CTDP1: variants seen among roughly 807,000 people sequenced by gnomAD.
The protein encoded by CTDP1 is RNA polymerase II subunit A C-terminal domain phosphatase.
Under a neutral mutation model 91.8 loss-of-function variants are expected in CTDP1, and 47 were observed. The ratio of observed to expected loss-of-function variants is 0.51; its 90% CI spans 0.41 to 0.65. The LOEUF (loss-of-function observed/expected upper bound fraction) is 0.65, where lower values mean the gene tolerates loss of function less well. Ranked by LOEUF, CTDP1 falls within the 30% of genes least tolerant of loss-of-function variation. CTDP1 has a pLI of 0.00. For synonymous variants in CTDP1, 656 were observed against 598.5 expected (o/e 1.10, Z -1.40); for missense variants, 1,272 against 1,373.7 (o/e 0.93, Z 1.17).
rs1161998091 is a variant in CTDP1, at chr18:79,736,515, G to T, written c.2741G>T (p.Gly914Val). The change falls in exon 12 of 13, where the codon GGG becomes GTG. Residue 914 changes from glycine to valine, a missense_variant. Physicochemically the swap from Gly to Val is moderately radical, Grantham distance 109. This residue lies in a region of CTDP1 where 881 missense variants were observed against 911.6 expected (regional missense o/e 0.97). Transcript: ENST00000613122. ...SSERSAAGGR[G>V]PRGHKRKLNE... ...GAGAGGAGCGCGGCAGGGGGCCGGG[G>T]GCCCAGGTGAGTGCGGGGTCTGAGG... The T allele has an allele frequency of 1.3e-6, 2 of 1,543,340 alleles. No homozygotes were observed. Among genetic ancestry groups the T allele is most frequent in the Admixed American group, 3.9e-5 (2 of 50,678 alleles).
At chr18:79,687,491 C>T (rs2085527092) in intron 1 of CTDP1, among the ~76,000 whole-genome samples, 3 of 136,422 alleles carry the variant, frequency 2.2e-5, no homozygotes, top group Admixed American at 7.1e-5. Context: ...CAGTTGGCTT[C>T]GTCAGTTCAC....
rs780068333 is a variant in CTDP1, at chr18:79,680,122, C to G, written c.175C>G (p.Gln59Glu). 7 of 1,425,580 alleles carry G rather than the reference C, an allele frequency of 4.9e-6. No individual in the cohort carries two copies. The highest frequency in any genetic ancestry group is 2.5e-4 in the Middle Eastern group (1 of 3,974). 88.3% of individuals were successfully genotyped at this position (1,425,580 alleles called of 1,614,324 possible). A position where few individuals can be genotyped will look rare whatever the true frequency, so the allele number is the denominator to read the frequency against. ...LAVFEAAASA[Q>E]SSGASQSRVA... ...CGTGTTCGAGGCCGCCGCCTCCGCGCAGTCCTCCGGGGCCTCTCAGTCCCG... is the reference window on the plus strand; with the variant it reads ...CGTGTTCGAGGCCGCCGCCTCCGCGGAGTCCTCCGGGGCCTCTCAGTCCCG... Residue 59 changes from glutamine (Q) to glutamate (E), a missense_variant, in exon 1 of 13, where the codon CAG becomes GAG. Around this residue, in one of 3 missense-constraint regions of CTDP1, gnomAD observed 214 missense variants for 179.1 expected, o/e 1.19. Coordinates refer to ENST00000613122, the MANE Select transcript of CTDP1 (RefSeq NM_004715.5).
At chr18:79,681,516 A>G in intron 1 of CTDP1, 1 of 984,582 alleles carries the variant, frequency 1.0e-6, no homozygotes, top group Non-Finnish European at 1.2e-6. Context: ...TGGCCTAGAC[A>G]GGTGAGTAAC....
At chr18:79,722,504 G>C (rs1414085569) in intron 10 of CTDP1, among the ~76,000 whole-genome samples, 1 of 152,206 alleles carries the variant, frequency 6.6e-6, no homozygotes, top group Non-Finnish European at 1.5e-5. Flanking sequence ...TTATACGAAA[G>C]GATGTTAATG....
At chr18:79,699,531 G>A (rs924953660) in intron 4 of CTDP1, among the ~76,000 whole-genome samples, 3 of 151,756 alleles carry the variant, frequency 2.0e-5, no homozygotes, top group African/African-American at 7.3e-5. Flanking sequence ...CCAAAGTGCT[G>A]GGATTACAGG....
At chr18:79,751,527 G>A (rs1427156483) in intron 12 of CTDP1, among the ~76,000 whole-genome samples, 3 of 152,146 alleles carry the variant, frequency 2.0e-5, no homozygotes, top group Admixed American at 6.5e-5. Flanking sequence ...GCCAGCCCAC[G>A]GGGTTCTCTT....
At position 79,754,065 on chromosome 18, in the gene CTDP1, G is replaced by A. The variant is rs983542945; in HGVS notation, c.*275G>A. 3.2e-5 allele frequency: 16 copies of A among 496,654 alleles called. No individual in the cohort carries two copies. The highest frequency in any genetic ancestry group is 5.7e-4 in the Middle Eastern group (1 of 1,768). The allele number at this position is 496,654 out of a possible 1,614,324, so 30.8% of individuals were successfully genotyped here. A position where few individuals can be genotyped will look rare whatever the true frequency, so the allele number is the denominator to read the frequency against. On this transcript the variant is annotated 3_prime_UTR_variant, in exon 13 of 13. Transcript: ENST00000613122. ...AGGCTCACGTGGCCCAGGCTGGTGCGCCCGCTGTCTCGGTAAGGGGCGGGT... is the reference window on the plus strand; with the variant it reads ...AGGCTCACGTGGCCCAGGCTGGTGCACCCGCTGTCTCGGTAAGGGGCGGGT...
intron 1 of CTDP1, among the ~76,000 whole-genome samples, chr18:79,687,841 G>A (rs1305882115): frequency 2.0e-5 from 3 of 152,208 alleles, no homozygotes; most frequent in Non-Finnish European, 4.4e-5. Flanking sequence ...TTCCTTGCAG[G>A]TCTGTTTACC....
At chr18:79,679,569 C>G (rs1462490774), upstream of CTDP1, 1 of 465,456 alleles carries the variant, frequency 2.1e-6, no homozygotes, top group East Asian at 6.6e-5. Context: ...TAGTTCCGAG[C>G]GCGCCAAGAC....
At chr18:79,697,821 A>T (rs570257420) in intron 3 of CTDP1, 39 bp from the exon 4 acceptor site, 1 of 1,613,994 alleles carries the variant, frequency 6.2e-7, no homozygotes, top group East Asian at 2.2e-5. Flanking sequence ...GGATGCAAAC[A>T]TACTGACTTT....
At chr18:79,722,147 C>T (rs2086357295) in intron 10 of CTDP1, among the ~76,000 whole-genome samples, 1 of 152,144 alleles carries the variant, frequency 6.6e-6, no homozygotes. Context: ...CTAGGAATTT[C>T]TAAGATCAAT....
At chr18:79,739,753 G>T (rs1410711878) in intron 12 of CTDP1, among the ~76,000 whole-genome samples, 1 of 152,232 alleles carries the variant, frequency 6.6e-6, no homozygotes, top group Non-Finnish European at 1.5e-5. Context: ...AGGTTCTGCT[G>T]CGCAGCCTTC....
chr18:79,732,102 A>T (rs773940921), intron 11 of CTDP1, among the ~76,000 whole-genome samples: 7 of 151,440 alleles, frequency 4.6e-5, no homozygotes, highest in Non-Finnish European at 1.0e-4. Flanking sequence ...GAGATGTAAG[A>T]ACTTGCTGAC....
intron 12 of CTDP1, among the ~76,000 whole-genome samples, chr18:79,742,670 C>T (rs1340259255): frequency 6.6e-6 from 1 of 152,226 alleles, no homozygotes; most frequent in South Asian, 2.1e-4. Flanking sequence ...GACTCTATGC[C>T]TGGACATGTG....
Position 79,715,569 on chromosome 18 carries a change from G to A in CTDP1, c.2068+41G>A, listed in dbSNP as rs775354745. The A allele has an allele frequency of 3.4e-5, 51 of 1,521,712 alleles. 1 individual carries two copies. Among genetic ancestry groups the A allele is most frequent in the African/African-American group, 1.2e-4 (9 of 72,662 alleles). The allele number at this position is 1,521,712 out of a possible 1,614,324, so 94.3% of individuals were successfully genotyped here. A position where few individuals can be genotyped will look rare whatever the true frequency, so the allele number is the denominator to read the frequency against. ...CTGTGCCCTGGGCATGGTCAGGCCCGCGGGCTCCTTGCAGGCACTCCTTAG... is the reference window on the plus strand; with the variant it reads ...CTGTGCCCTGGGCATGGTCAGGCCCACGGGCTCCTTGCAGGCACTCCTTAG... On this transcript the variant is annotated intron_variant, in intron 8 of 12. Transcript: ENST00000613122.
intron 10 of CTDP1, among the ~76,000 whole-genome samples, chr18:79,723,186 C>T (rs1008739194): frequency 3.3e-5 from 5 of 152,058 alleles, no homozygotes; most frequent in African/African-American, 7.2e-5. Context: ...TCCTGTCTCA[C>T]GGAGGGTCCC....
chr18:79,723,989 G>A (rs763256139), intron 10 of CTDP1, among the ~76,000 whole-genome samples: 5 of 152,318 alleles, frequency 3.3e-5, no homozygotes, highest in Non-Finnish European at 7.4e-5. Flanking sequence ...TGGTTTCACC[G>A]TTCACCCTTT....
At chr18:79,742,602 G>A (rs1157558577) in intron 12 of CTDP1, among the ~76,000 whole-genome samples, 1 of 152,244 alleles carries the variant, frequency 6.6e-6, no homozygotes, top group African/African-American at 2.4e-5. Flanking sequence ...CTGTAAGGTA[G>A]CGTGTTGCTT....
chr18:79,685,918 C>T (rs949001913), intron 1 of CTDP1, among the ~76,000 whole-genome samples: 5 of 152,178 alleles, frequency 3.3e-5, no homozygotes, highest in Admixed American at 6.5e-5. Context: ...TCCCTGTTGA[C>T]GCCTGCACTA....
Sources: gnomAD v4.1 joint callset for allele counts (sites outside exome capture counted in the v4.1 genomes callset) on GRCh38, gnomAD v4.1.1 for gene constraint, gnomAD v4.1.1 regional missense constraint, MANE v1.5 for transcripts, NCBI Gene and HGNC (gene_info 2026-07-23, HGNC 2026-07-21) for gene names.